ADAMTS20: variants seen among roughly 807,000 people sequenced by gnomAD.
The protein encoded by ADAMTS20 is A disintegrin and metalloproteinase with thrombospondin motifs 20.
ADAMTS20 carries 225 observed loss-of-function variants against 260.1 expected under a neutral mutation model. That is an observed-to-expected ratio of 0.87 (90% CI 0.78 to 0.97). The LOEUF is 0.97. Among genes scored for constraint, ADAMTS20 ranks in the 50% least tolerant of loss-of-function variants. The pLI is 0.00. For missense variants in ADAMTS20, 2,400 were observed against 2,337.7 expected, an observed-to-expected ratio of 1.03 and a Z score of -0.55; for synonymous variants, 802 against 769.5, an observed-to-expected ratio of 1.04 and a Z score of -0.70.
At position 43,502,038 on chromosome 12, in the gene ADAMTS20, C is replaced by T. The variant is rs570262322; in HGVS notation, c.867+114G>A. On this transcript the variant is annotated intron_variant, in intron 4 of 38. Coordinates refer to ENST00000389420, the MANE Select transcript of ADAMTS20 (RefSeq NM_025003.5). ...AATGAAATCTTATTTTTGGCTTAAA[C>T]CTAGATACAAAATTACATCTAAAGA... 1.2e-3 allele frequency: 1,225 copies of T among 988,512 alleles called. 11 individuals carry two copies. In the Middle Eastern group the frequency reaches 0.013, roughly 11 times the overall value. 61.2% of individuals were successfully genotyped at this position (988,512 alleles called of 1,614,324 possible).
At chr12:43,522,748 C>T (rs552438654) in intron 3 of ADAMTS20, among the ~76,000 whole-genome samples, 7 of 152,176 alleles carry the variant, frequency 4.6e-5, no homozygotes, top group African/African-American at 1.7e-4. Context: ...GTTTGTTCAT[C>T]TCATGGGTTT....
intron 28 of ADAMTS20, chr12:43,423,710 T>C (rs1467493276): frequency 2.8e-6 from 2 of 702,078 alleles, no homozygotes; most frequent in African/African-American, 1.7e-5. Flanking sequence ...TGAGTTCTTA[T>C]AGTATTTCAA....
intron 37 of ADAMTS20, among the ~76,000 whole-genome samples, chr12:43,367,593 C>A (rs1940015427): frequency 6.6e-6 from 1 of 152,066 alleles, no homozygotes; most frequent in Non-Finnish European, 1.5e-5. Context: ...AACATACTTA[C>A]TGCTGAAGGA....
intron 16 of ADAMTS20, among the ~76,000 whole-genome samples, 169 bp from the exon 17 acceptor site, chr12:43,440,238 T>C (rs1162036962): frequency 2.0e-5 from 3 of 148,890 alleles, no homozygotes; most frequent in Non-Finnish European, 4.4e-5. Context: ...TCGCCTCGCC[T>C]CTTGGATTCA....
At chr12:43,514,287 A>T (rs531147380) in intron 3 of ADAMTS20, among the ~76,000 whole-genome samples, 202 of 151,754 alleles carry the variant, frequency 1.3e-3, no homozygotes, top group African/African-American at 4.7e-3. Flanking sequence ...TTTTCCGGCC[A>T]GGCAGGATGG....
intron 36 of ADAMTS20, 80 bp from the exon 37 acceptor site, chr12:43,369,461 C>A: frequency 1.5e-6 from 1 of 684,286 alleles, no homozygotes; most frequent in Non-Finnish European, 2.1e-6. Flanking sequence ...TTTCTTATTA[C>A]TTACTTAGTA....
chr12:43,550,862 C>T, intron 2 of ADAMTS20, 47 bp downstream of exon 2: 2 of 1,484,060 alleles, frequency 1.3e-6, no homozygotes, highest in Non-Finnish European at 1.8e-6. Flanking sequence ...TGAATGTAGC[C>T]CTTGCCTGGA....
At chr12:43,514,758 C>T (rs1222389504) in intron 3 of ADAMTS20, among the ~76,000 whole-genome samples, 1 of 151,990 alleles carries the variant, frequency 6.6e-6, no homozygotes, top group African/African-American at 2.4e-5. Flanking sequence ...AAAAGATGTG[C>T]TTTTGAAAAT....
At chr12:43,378,864 T>C (rs1481024918) in intron 31 of ADAMTS20, among the ~76,000 whole-genome samples, 1 of 152,164 alleles carries the variant, frequency 6.6e-6, no homozygotes, top group Non-Finnish European at 1.5e-5. Context: ...CCGATCAGTT[T>C]TTTCAGAACT....
chr12:43,548,036 C>A (rs1943463891), intron 2 of ADAMTS20, among the ~76,000 whole-genome samples: 1 of 152,098 alleles, frequency 6.6e-6, no homozygotes, highest in Non-Finnish European at 1.5e-5. Context: ...CAGTTTCTAT[C>A]AATGGTCAAT....
At chr12:43,531,428 T>A (rs1943218890) in intron 3 of ADAMTS20, among the ~76,000 whole-genome samples, 1 of 152,104 alleles carries the variant, frequency 6.6e-6, no homozygotes, top group Non-Finnish European at 1.5e-5. Context: ...CTGAAAAACT[T>A]TTGGGATTCA....
chr12:43,464,473 C>T (rs1042514372), intron 10 of ADAMTS20, 118 bp downstream of exon 10: 2 of 1,268,434 alleles, frequency 1.6e-6, no homozygotes, highest in Admixed American at 2.6e-5. Context: ...TTGATAAATA[C>T]TAAATTATCA....
At chr12:43,465,036 C>G (rs772360126) in intron 9 of ADAMTS20, among the ~76,000 whole-genome samples, 7 of 152,108 alleles carry the variant, frequency 4.6e-5, no homozygotes, top group Non-Finnish European at 8.8e-5. Flanking sequence ...ATTTATGAAA[C>G]ATACATCCAT....
At chr12:43,510,952 C>T (rs1043136530) in intron 3 of ADAMTS20, among the ~76,000 whole-genome samples, 4 of 152,074 alleles carry the variant, frequency 2.6e-5, no homozygotes, top group African/African-American at 9.7e-5. Flanking sequence ...TTTCTTCTCC[C>T]ATACAAAGTT....
chr12:43,494,313 T>G (rs762510103), intron 4 of ADAMTS20, among the ~76,000 whole-genome samples: 5 of 152,206 alleles, frequency 3.3e-5, no homozygotes, highest in African/African-American at 1.2e-4. Flanking sequence ...CCTGACCTTA[T>G]GAAGCTTACA....
intron 11 of ADAMTS20, among the ~76,000 whole-genome samples, chr12:43,459,332 A>T (rs906164429): frequency 6.6e-6 from 1 of 152,194 alleles, no homozygotes; most frequent in African/African-American, 2.4e-5. Flanking sequence ...GCCTGGGTTC[A>T]TCCTAATCAG....
At chr12:43,515,837 G>A (rs1372645848) in intron 3 of ADAMTS20, among the ~76,000 whole-genome samples, 1 of 152,100 alleles carries the variant, frequency 6.6e-6, no homozygotes, top group African/African-American at 2.4e-5. Flanking sequence ...CTTTAAAATT[G>A]TTTATAGATA....
chr12:43,368,566 C>A (rs1467417615), intron 37 of ADAMTS20, among the ~76,000 whole-genome samples: 2 of 152,050 alleles, frequency 1.3e-5, no homozygotes, highest in African/African-American at 2.4e-5. Flanking sequence ...TTAACTACTT[C>A]TCTTCAAAAT....
At chr12:43,497,088 G>T (rs1276189503) in intron 4 of ADAMTS20, among the ~76,000 whole-genome samples, 1 of 151,922 alleles carries the variant, frequency 6.6e-6, no homozygotes, top group South Asian at 2.1e-4. Flanking sequence ...CTATGTATTC[G>T]AATTTTTATT....
Sources: gnomAD v4.1 joint callset for allele counts (sites outside exome capture counted in the v4.1 genomes callset) on GRCh38, gnomAD v4.1.1 for gene constraint, MANE v1.5 for transcripts, NCBI Gene and HGNC (gene_info 2026-07-23, HGNC 2026-07-21) for gene names.